DTNA: variants seen among roughly 807,000 people sequenced by gnomAD.
DTNA encodes dystrophin-related protein 3.
DTNA carries 43 observed loss-of-function variants against 100.7 expected under a neutral mutation model. That is an observed-to-expected ratio of 0.43 (90% CI 0.33 to 0.55). The LOEUF (loss-of-function observed/expected upper bound fraction) is 0.55. DTNA is among the 20% of genes least tolerant of loss of function. The probability of loss-of-function intolerance (pLI) is 0.04; values close to 1 mark genes in which losing one functional copy is unlikely to be tolerated. For missense variants in DTNA, 798 were observed against 953.9 expected (o/e 0.84, Z 2.15); for synonymous variants, 349 against 347.9 (o/e 1.00, Z -0.04).
intron 1 of DTNA, among the ~76,000 whole-genome samples, chr18:34,682,531 C>T (rs1057498541): frequency 6.6e-6 from 1 of 152,256 alleles, no homozygotes; most frequent in Non-Finnish European, 1.5e-5. Context: ...TCCTCTCCAG[C>T]ATTTGATGTC....
intron 1 of DTNA, among the ~76,000 whole-genome samples, chr18:34,526,911 G>C (rs889867605): frequency 6.6e-6 from 1 of 152,080 alleles, no homozygotes; most frequent in Non-Finnish European, 1.5e-5. Flanking sequence ...TCTGTTAAGA[G>C]GTGCAGGCAA....
intron 1 of DTNA, among the ~76,000 whole-genome samples, chr18:34,605,756 G>C (rs2052956169): frequency 6.6e-6 from 1 of 151,830 alleles, no homozygotes; most frequent in Admixed American, 6.6e-5. Flanking sequence ...ACACAGCTAG[G>C]GTTGACTGGA....
At chr18:34,873,350 T>C (rs537847493) in intron 17 of DTNA, among the ~76,000 whole-genome samples, 28 of 152,334 alleles carry the variant, frequency 1.8e-4, no homozygotes, top group African/African-American at 6.7e-4. Flanking sequence ...CCGGCTGTGT[T>C]TGGTCCCTTG....
Position 34,882,289 on chromosome 18 carries a change from CCTT to C in DTNA, c.2295+93_2295+95del. ...TTTGACATGACTTGCAGAATCAGAG[CCTT>C]CTTCCTTCCACCCTCCCTTTTCAAA... On this transcript the variant is annotated intron_variant, in intron 21 of 22. Coordinates refer to ENST00000444659, the MANE Select transcript of DTNA (RefSeq NM_001386795.1). 14 of 1,533,842 alleles carry C rather than the reference CCTT, an allele frequency of 9.1e-6. 1 individual carries two copies. In the South Asian group the frequency reaches 1.7e-4, roughly 18 times the overall value.
chr18:34,585,113 G>A (rs144187830), intron 1 of DTNA, among the ~76,000 whole-genome samples: 2 of 151,900 alleles, frequency 1.3e-5, no homozygotes, highest in African/African-American at 4.8e-5. Context: ...CTGCATGCTC[G>A]CCCACCCACC....
intron 9 of DTNA, chr18:34,821,151 A>G (rs1195454013): frequency 3.1e-6 from 2 of 654,650 alleles, no homozygotes; most frequent in Non-Finnish European, 5.6e-6. Flanking sequence ...GAGGTGGAAA[A>G]TATTTCAGAA....
chr18:34,513,301 T>A (rs991272684), intron 1 of DTNA, among the ~76,000 whole-genome samples: 2 of 152,140 alleles, frequency 1.3e-5, no homozygotes, highest in Admixed American at 6.6e-5. Flanking sequence ...AATAGTAAAC[T>A]TGACATAGAA....
At chr18:34,879,760 A>G in intron 20 of DTNA, 41 bp downstream of exon 20, 1 of 1,612,168 alleles carries the variant, frequency 6.2e-7, no homozygotes, top group South Asian at 1.1e-5. Context: ...CAGTAACAAA[A>G]CAATCTGTAG....
At chr18:34,571,885 CAATT>C (rs1300390762) in intron 1 of DTNA, among the ~76,000 whole-genome samples, 1 of 152,094 alleles carries the variant, frequency 6.6e-6, no homozygotes, top group African/African-American at 2.4e-5. Flanking sequence ...TATCAAGAAA[CAATT>C]AAGTTTCATA....
At chr18:34,506,543 G>A (rs1568554294) in intron 1 of DTNA, among the ~76,000 whole-genome samples, 1 of 152,158 alleles carries the variant, frequency 6.6e-6, no homozygotes, top group Admixed American at 6.5e-5. Context: ...TTCTTCTGTG[G>A]CTACAATAGA....
In DTNA at chr18:34,816,022, G is replaced by A. The variant is rs1190291771; in HGVS notation, c.709+8G>A. ...TAGCAAATGTGGAAAATGGTGAGTA[G>A]TTACTAAGGAGCAAAGGTGATTTTT... is the stretch of plus-strand genomic sequence containing the variant. On this transcript the variant is annotated splice_region_variant and intron_variant, in intron 7 of 22. Transcript: ENST00000444659. The A allele has an allele frequency of 2.5e-6, 4 of 1,611,710 alleles. No homozygotes were observed. Among genetic ancestry groups the A allele is most frequent in the Non-Finnish European group, 3.4e-6 (4 of 1,177,838 alleles).
chr18:34,819,711 G>T (rs2095666225), intron 8 of DTNA, among the ~76,000 whole-genome samples: 1 of 152,074 alleles, frequency 6.6e-6, no homozygotes, highest in African/African-American at 2.4e-5. Flanking sequence ...AGGACAGAAG[G>T]CCCTGTGGTT....
chr18:34,499,185 A>G (rs1395508299), intron 1 of DTNA, among the ~76,000 whole-genome samples: 1 of 152,154 alleles, frequency 6.6e-6, no homozygotes, highest in East Asian at 1.9e-4. Flanking sequence ...TATGTTCTCT[A>G]TTTCTATAAT....
chr18:34,494,991 A>G (rs866172749), intron 1 of DTNA, among the ~76,000 whole-genome samples: 2 of 152,130 alleles, frequency 1.3e-5, no homozygotes, highest in African/African-American at 2.4e-5. Context: ...CACTGTCTTA[A>G]TTCTTAGACC....
intron 1 of DTNA, among the ~76,000 whole-genome samples, chr18:34,493,740 C>A (rs914661542): frequency 1.3e-5 from 2 of 148,796 alleles, no homozygotes; most frequent in South Asian, 2.1e-4. Flanking sequence ...CGGACACAGG[C>A]GGCTCGGCGC....
At chr18:34,762,620 G>C (rs2093249545) in intron 2 of DTNA, among the ~76,000 whole-genome samples, 1 of 152,208 alleles carries the variant, frequency 6.6e-6, no homozygotes, top group Non-Finnish European at 1.5e-5. Context: ...AACAGAGTAA[G>C]AGGCTATGTA....
chr18:34,790,905 C>A (rs2094710181), intron 3 of DTNA, among the ~76,000 whole-genome samples: 1 of 152,042 alleles, frequency 6.6e-6, no homozygotes, highest in Non-Finnish European at 1.5e-5. Context: ...ATATACAGTC[C>A]ATAGGACTAG....
chr18:34,846,306 AGG>A (rs2096376835), intron 13 of DTNA, among the ~76,000 whole-genome samples: 1 of 152,148 alleles, frequency 6.6e-6, no homozygotes, highest in African/African-American at 2.4e-5. Context: ...GATATTTTGA[AGG>A]GGATGAGGAT....
chr18:34,692,652 A>G (rs1264480511), intron 1 of DTNA, among the ~76,000 whole-genome samples: 2 of 152,238 alleles, frequency 1.3e-5, no homozygotes, highest in African/African-American at 2.4e-5. Flanking sequence ...GTTGATGCTA[A>G]AATTAGCATT....
Sources: gnomAD v4.1 joint callset for allele counts (sites outside exome capture counted in the v4.1 genomes callset) on GRCh38, gnomAD v4.1.1 for gene constraint, MANE v1.5 for transcripts, NCBI Gene and HGNC (gene_info 2026-07-23, HGNC 2026-07-21) for gene names.